The following CELF2 variants were observed in gnomAD, a reference collection of about 807,000 sequenced individuals.
CELF2 encodes CUG triplet repeat RNA-binding protein 2.
CELF2 carries 8 observed loss-of-function variants against 62.6 expected under a neutral mutation model. That is an observed-to-expected ratio of 0.13 (90% CI 0.07 to 0.23). The LOEUF is 0.23. Ranked by LOEUF, CELF2 falls within the 10% of genes least tolerant of loss-of-function variation. The pLI, the probability that CELF2 is intolerant of heterozygous loss-of-function variation, is 1.00. For synonymous variants in CELF2, 258 were observed against 250.0 expected, an observed-to-expected ratio of 1.03 and a Z score of -0.30; for missense variants, 333 against 671.0, an observed-to-expected ratio of 0.50 and a Z score of 5.56.
At chr10:10,998,576 A>T (rs895557834) in intron 2 of CELF2, among the ~76,000 whole-genome samples, 1 of 152,188 alleles carries the variant, frequency 6.6e-6, no homozygotes, top group African/African-American at 2.4e-5. Flanking sequence ...TTTTAATAGC[A>T]GGCAGAGGAT....
At chr10:10,724,859 T>G in the CELF2 span, among the ~76,000 whole-genome samples, 1 of 152,246 alleles carries the variant, frequency 6.6e-6, no homozygotes, top group Admixed American at 6.5e-5. Flanking sequence ...TGGAATTGAT[T>G]TAATGATTGT....
At chr10:11,148,960 G>A (rs543584834) in intron 1 of CELF2, among the ~76,000 whole-genome samples, 1 of 152,104 alleles carries the variant, frequency 6.6e-6, no homozygotes, top group Non-Finnish European at 1.5e-5. Context: ...TATCACTAGG[G>A]ACCTTGCTCT....
At chr10:10,756,018 T>C in the CELF2 span, among the ~76,000 whole-genome samples, 1 of 152,084 alleles carries the variant, frequency 6.6e-6, no homozygotes, top group Admixed American at 6.5e-5. Context: ...AAGGAATCTA[T>C]GTTTTTCACA....
chr10:11,069,407 G>T (rs983480205), intron 1 of CELF2, among the ~76,000 whole-genome samples: 2 of 152,192 alleles, frequency 1.3e-5, no homozygotes, highest in African/African-American at 4.8e-5. Flanking sequence ...TATCCCAGAT[G>T]AATTTTCCTC....
At chr10:10,464,538 A>C in the CELF2 span, among the ~76,000 whole-genome samples, 1 of 152,144 alleles carries the variant, frequency 6.6e-6, no homozygotes, top group Non-Finnish European at 1.5e-5. Flanking sequence ...AAAATCCCGT[A>C]CGTGAAAAAC....
In CELF2 at chr10:11,270,342, C is replaced by A. The variant is rs12243211; in HGVS notation, c.619-324C>A. 0.21 allele frequency among the ~76,000 whole-genome samples: 32,454 copies of A among 152,014 alleles called. 3,615 individuals are homozygous for A. Among genetic ancestry groups the A allele is most frequent in the Middle Eastern group, 0.32 (93 of 294 alleles). On this transcript the variant is annotated intron_variant, in intron 6 of 12. Coordinates refer to ENST00000633077, the MANE Select transcript of CELF2 (RefSeq NM_001326342.2). This position sits in a 1 kb window ranked among gnomAD's most constrained non-coding sequence, Gnocchi z 5.8. ...AGCCTGAGAAGCTCAATTAAAGAAC[C>A]TTGGTAAGGTCTGTTGTCTGTAAGG...
chr10:10,592,326 A>G, the CELF2 span, among the ~76,000 whole-genome samples: 1 of 152,168 alleles, frequency 6.6e-6, no homozygotes, highest in Non-Finnish European at 1.5e-5. Context: ...TGGAAAAAGG[A>G]AAAAGAAGAA....
At chr10:11,111,917 G>A (rs756333375) in intron 1 of CELF2, among the ~76,000 whole-genome samples, 25 of 152,228 alleles carry the variant, frequency 1.6e-4, no homozygotes, top group Non-Finnish European at 3.4e-4. Flanking sequence ...TGGAGGAGGA[G>A]AGACCTATTC....
At chr10:11,307,559 C>A (rs184001524) in intron 9 of CELF2, among the ~76,000 whole-genome samples, 1 of 152,320 alleles carries the variant, frequency 6.6e-6, no homozygotes, top group East Asian at 1.9e-4. Flanking sequence ...AAATACAGTG[C>A]CAAATTCATT....
At chr10:10,984,669 A>G (rs1384028409) in intron 2 of CELF2, among the ~76,000 whole-genome samples, 1 of 151,696 alleles carries the variant, frequency 6.6e-6, no homozygotes, top group Non-Finnish European at 1.5e-5. Context: ...ACAAATAAAT[A>G]TACTAGGACA....
chr10:10,689,413 A>G, the CELF2 span, among the ~76,000 whole-genome samples: 1 of 152,152 alleles, frequency 6.6e-6, no homozygotes. Flanking sequence ...CTCCCCCAAC[A>G]CTTAGGATTA....
chr10:10,870,342 A>G (rs1359303559), intron 1 of CELF2, among the ~76,000 whole-genome samples: 1 of 152,122 alleles, frequency 6.6e-6, no homozygotes, highest in African/African-American at 2.4e-5. Context: ...CGGGGTATAT[A>G]TATTTAAGTC....
chr10:10,838,459 T>G (rs1200058743), intron 1 of CELF2, among the ~76,000 whole-genome samples: 3 of 152,252 alleles, frequency 2.0e-5, no homozygotes, highest in Non-Finnish European at 4.4e-5. Context: ...TGGGGAATTA[T>G]GCTTCACCTA....
the CELF2 span, among the ~76,000 whole-genome samples, chr10:10,489,028 T>C: frequency 6.6e-6 from 1 of 152,046 alleles, no homozygotes; most frequent in African/African-American, 2.4e-5. Context: ...GAATCTTCCA[T>C]TAAATATCAA....
At chr10:10,539,071 A>T in the CELF2 span, among the ~76,000 whole-genome samples, 15,513 of 152,290 alleles carry the variant, frequency 0.1, 836 homozygotes, top group Middle Eastern at 0.21. Context: ...CTGATTTCTG[A>T]TCCACAATCT....
chr10:10,854,926 G>A (rs12249209), intron 1 of CELF2, among the ~76,000 whole-genome samples: 2,352 of 151,868 alleles, frequency 0.015, 76 homozygotes, highest in African/African-American at 0.054. Flanking sequence ...CTGAGCCAGC[G>A]TCCACCTGTC....
the CELF2 span, among the ~76,000 whole-genome samples, chr10:10,505,034 G>T: frequency 1.3e-5 from 2 of 152,036 alleles, no homozygotes; most frequent in African/African-American, 4.8e-5. Flanking sequence ...CAAGGTGTTG[G>T]CATCTATTGA....
chr10:10,802,743 C>T (rs1170429926), intron 1 of CELF2, among the ~76,000 whole-genome samples: 1 of 152,334 alleles, frequency 6.6e-6, no homozygotes, highest in East Asian at 1.9e-4. Flanking sequence ...CTCATTAGCA[C>T]TGCAAGCTGT....
chr10:10,817,646 G>A (rs1398161881), intron 1 of CELF2, among the ~76,000 whole-genome samples: 1 of 152,104 alleles, frequency 6.6e-6, no homozygotes, highest in Non-Finnish European at 1.5e-5. Flanking sequence ...TGTTGCAAAC[G>A]ACTCGATCTC....
Sources: gnomAD v4.1 joint callset for allele counts (sites outside exome capture counted in the v4.1 genomes callset) on GRCh38, gnomAD v4.1.1 for gene constraint, Gnocchi (gnomAD v3.1) non-coding constraint, MANE v1.5 for transcripts, NCBI Gene and HGNC (gene_info 2026-07-23, HGNC 2026-07-21) for gene names.